SETD5: variants seen among roughly 807,000 people sequenced by gnomAD.
The protein encoded by SETD5 is histone-lysine N-methyltransferase SETD5.
A neutral mutation model predicts 153.3 loss-of-function variants in SETD5; 44 were observed. The ratio of observed to expected loss-of-function variants is 0.29; its 90% CI spans 0.23 to 0.37. The LOEUF (loss-of-function observed/expected upper bound fraction) is 0.37, where lower values mean the gene tolerates loss of function less well. Among genes scored for constraint, SETD5 ranks in the 10% least tolerant of loss-of-function variants. SETD5 has a pLI of 1.00. For synonymous variants in SETD5, 716 were observed against 645.2 expected (o/e 1.11, Z -1.66); for missense variants, 1,544 against 1,768.0 (o/e 0.87, Z 2.27).
At chr3:9,472,502 A>G (rs1250336085) in intron 19 of SETD5, among the ~76,000 whole-genome samples, 1 of 152,232 alleles carries the variant, frequency 6.6e-6, no homozygotes, top group Non-Finnish European at 1.5e-5. Flanking sequence ...GAAGTTACCA[A>G]GTTGTTTTCT....
chr3:9,448,763 GAGTT>G (rs2042299196), intron 16 of SETD5, 133 bp downstream of exon 16: 1 of 851,488 alleles, frequency 1.2e-6, no homozygotes, highest in Non-Finnish European at 1.7e-6. Flanking sequence ...AGTTTATAAT[GAGTT>G]AGTTGTTCAG....
chr3:9,433,722 C>G (rs1291766153), intron 3 of SETD5, 123 bp from the exon 4 acceptor site: 1 of 1,050,684 alleles, frequency 9.5e-7, no homozygotes, highest in African/African-American at 1.6e-5. Context: ...TCACCGAGTT[C>G]TTTCTCTTAT....
chr3:9,464,281 T>G, intron 17 of SETD5, 144 bp from the exon 18 acceptor site: 1 of 1,056,674 alleles, frequency 9.5e-7, no homozygotes, highest in Non-Finnish European at 1.4e-6. Context: ...TCTTTGGGAT[T>G]TTGGTTGGAT....
intron 17 of SETD5, 108 bp downstream of exon 17, chr3:9,453,976 A>G (rs1282659179): frequency 4.0e-6 from 5 of 1,260,872 alleles, no homozygotes; most frequent in Non-Finnish European, 4.2e-6. Context: ...CGTGTTTTCT[A>G]AATAGTTACT....
chr3:9,459,638 C>A lies in SETD5; in HGVS notation c.2477-4787C>A, dbSNP rs1261776953. Among the ~76,000 whole-genome samples, 52 of 148,162 alleles carry A rather than the reference C, an allele frequency of 3.5e-4. 1 individual carries two copies. The highest frequency in any genetic ancestry group is 2.3e-3 in the Admixed American group (34 of 14,868). ...ACAACAACAACAACAAAAAAAAAAA[C>A]CGGGCATAGTGGCAGGCGCCTGTAA... On this transcript the variant is annotated intron_variant, in intron 17 of 22. Coordinates refer to ENST00000402198, the MANE Select transcript of SETD5 (RefSeq NM_001080517.3).
At chr3:9,445,959 G>T (rs960537875) in intron 13 of SETD5, among the ~76,000 whole-genome samples, 3 of 128,824 alleles carry the variant, frequency 2.3e-5, no homozygotes, top group African/African-American at 3.4e-5. Flanking sequence ...ATGGTTTGAA[G>T]AGGTTGTTTT....
At chr3:9,462,446 G>C (rs1478469389) in intron 17 of SETD5, among the ~76,000 whole-genome samples, 1 of 151,540 alleles carries the variant, frequency 6.6e-6, no homozygotes. Context: ...AATTAGCCGG[G>C]TGTGGTAGCG....
In SETD5 at chr3:9,470,637, C is replaced by T. The variant is rs1429710860; in HGVS notation, c.2903C>T (p.Thr968Ile). ...FPSRSGDGHQ[T>I]LVRNSDQAFR... Reference sequence around the variant, plus strand: ...AGCAGAAGTGGAGATGGACATCAGACCCTCGTGAGAAACTCAGACCAGGCA... The same window carrying T: ...AGCAGAAGTGGAGATGGACATCAGATCCTCGTGAGAAACTCAGACCAGGCA... The change falls in exon 19 of 23, where the codon ACC becomes ATC. Residue 968 changes from threonine to isoleucine, a missense_variant. By Grantham distance (89) the Thr-to-Ile change is moderately conservative (BLOSUM62 -1). Transcript: ENST00000402198. 6.2e-7 allele frequency: 1 copy of T among 1,613,964 alleles called. No individual in the cohort carries two copies.
chr3:9,441,163 T>TG (rs2041231390), intron 8 of SETD5, among the ~76,000 whole-genome samples: 1 of 152,124 alleles, frequency 6.6e-6, no homozygotes, highest in South Asian at 2.1e-4. Context: ...AAGCTATGAT[T>TG]GCACCACTGC....
At chr3:9,448,780 A>G (rs549910641) in intron 16 of SETD5, 150 bp downstream of exon 16, 105 of 731,216 alleles carry the variant, frequency 1.4e-4, no homozygotes, top group Admixed American at 1.6e-4. Flanking sequence ...TTGTTCAGCC[A>G]TAAATACTGA....
At chr3:9,463,130 G>GT (rs1368619705) in intron 17 of SETD5, among the ~76,000 whole-genome samples, 7 of 151,968 alleles carry the variant, frequency 4.6e-5, no homozygotes, top group African/African-American at 1.7e-4. Context: ...AGTGATTCTT[G>GT]TGCCTCCACC....
At chr3:9,421,648 C>T (rs2038422375) in intron 1 of SETD5, among the ~76,000 whole-genome samples, 1 of 152,150 alleles carries the variant, frequency 6.6e-6, no homozygotes, top group African/African-American at 2.4e-5. Context: ...AGAAGAAATT[C>T]AGCCTATATG....
chr3:9,412,744 T>C (rs889461210), intron 1 of SETD5, among the ~76,000 whole-genome samples: 5 of 151,822 alleles, frequency 3.3e-5, no homozygotes, highest in Non-Finnish European at 7.4e-5. Flanking sequence ...CTTTATCTTT[T>C]GGAGATACAT....
Position 9,473,552 on chromosome 3 carries a change from GATGTTTT to G in SETD5, c.3497+18_3497+24del. The G allele has an allele frequency of 6.3e-7, 1 of 1,594,680 alleles. No individual in the cohort carries two copies. Among genetic ancestry groups the G allele is most frequent in the Non-Finnish European group, 8.6e-7 (1 of 1,168,788 alleles). On this transcript the variant is annotated intron_variant, in intron 20 of 22. Transcript: ENST00000402198. ...AGCAGTAGGTGGTAAGTTTATATTT[GATGTTTT>G]ATAGTTAAATTGGGGGTGGGGGGGA...
At chr3:9,404,947 C>T (rs928825975) in intron 1 of SETD5, among the ~76,000 whole-genome samples, 1 of 152,204 alleles carries the variant, frequency 6.6e-6, no homozygotes. Context: ...CACCTTATTT[C>T]CTGCTATTAT....
chr3:9,455,833 T>C lies in SETD5; in HGVS notation c.2476+1965T>C, dbSNP rs2043169301. ...AAAGTGTCTTTGTTATCACATGCCCTGGTTGGAAGGAAATTAGGATTCCTA... is the reference window on the plus strand; with the variant it reads ...AAAGTGTCTTTGTTATCACATGCCCCGGTTGGAAGGAAATTAGGATTCCTA... On this transcript the variant is annotated intron_variant, in intron 17 of 22. Transcript: ENST00000402198. 2.6e-5 allele frequency among the ~76,000 whole-genome samples: 4 copies of C among 152,194 alleles called. No individual in the cohort carries two copies. In the South Asian group the frequency reaches 8.3e-4, roughly 32 times the overall value.
At position 9,420,930 on chromosome 3, in the gene SETD5, A is replaced by G. The variant is rs867714204; in HGVS notation, c.-176-3537A>G. 5.9e-5 allele frequency among the ~76,000 whole-genome samples: 9 copies of G among 152,092 alleles called. No individual in the cohort carries two copies. In the Middle Eastern group the frequency reaches 0.01, roughly 172 times the overall value. On this transcript the variant is annotated intron_variant, in intron 1 of 22. Transcript: ENST00000402198. Reference sequence around the variant, plus strand: ...TTGGAGAAGAGTAAAAACAGTGTTTAGCCATATTCAGGTTATTAGCAGCAG... The same window carrying G: ...TTGGAGAAGAGTAAAAACAGTGTTTGGCCATATTCAGGTTATTAGCAGCAG...
intron 8 of SETD5, among the ~76,000 whole-genome samples, chr3:9,441,187 TG>T: frequency 6.6e-6 from 1 of 152,262 alleles, no homozygotes; most frequent in East Asian, 1.9e-4. Context: ...CCAGCCTGAA[TG>T]AAAGAGTGAG....
At chr3:9,429,138 A>T (rs1280007542) in intron 3 of SETD5, 129 bp downstream of exon 3, 1 of 526,852 alleles carries the variant, frequency 1.9e-6, no homozygotes, top group Admixed American at 3.3e-5. Flanking sequence ...TTAACATTAG[A>T]CCTTTCCCTT....
Sources: allele counts gnomAD v4.1 joint callset (sites outside exome capture counted in the v4.1 genomes callset), GRCh38; gene constraint gnomAD v4.1.1; transcripts MANE v1.5; gene names NCBI Gene and HGNC (gene_info 2026-07-23, HGNC 2026-07-21).